BTNL3: variants seen among roughly 807,000 people sequenced by gnomAD.
BTNL3 encodes the protein butyrophilin like 3.
In BTNL3, 20 loss-of-function variants were observed where a neutral mutation model predicts 40.1. That is an observed-to-expected ratio of 0.50 (90% CI 0.35 to 0.72). The LOEUF (loss-of-function observed/expected upper bound fraction) is 0.72. Among genes scored for constraint, BTNL3 ranks in the 30% least tolerant of loss-of-function variants. The pLI, the probability that BTNL3 is intolerant of heterozygous loss-of-function variation, is 0.01. For synonymous variants in BTNL3, 179 were observed against 222.1 expected, an observed-to-expected ratio of 0.81 and a Z score of 1.73; for missense variants, 449 against 582.2, an observed-to-expected ratio of 0.77 and a Z score of 2.35.
chr5:181,004,991 A>G (rs111751678), intron 7 of BTNL3, among the ~76,000 whole-genome samples: 43 of 152,256 alleles, frequency 2.8e-4, no homozygotes, highest in African/African-American at 1.0e-3. Context: ...GGGCATTAGT[A>G]GCTGGCTTCT....
At chr5:181,000,346 T>C (rs1760089288) in intron 3 of BTNL3, among the ~76,000 whole-genome samples, 1 of 136,924 alleles carries the variant, frequency 7.3e-6, no homozygotes, top group African/African-American at 2.5e-5. Flanking sequence ...CACTTGCAAA[T>C]CTAGAAATAG....
At position 181,004,750 on chromosome 5, in the gene BTNL3, C is replaced by T. The variant is rs143906320; in HGVS notation, c.850C>T (p.Arg284Trp). 1.5e-4 allele frequency: 242 copies of T among 1,614,168 alleles called. No individual in the cohort carries two copies. In the African/African-American group the frequency reaches 2.7e-3, roughly 18 times the overall value. ...KHGQAELRDA[R>W]KHAVEVTLDP... ...CTTGCTTTCAGAATTGAGAGACGCCCGGAAACACGCAGGTACCAACGCCTG... is the reference window on the plus strand; with the variant it reads ...CTTGCTTTCAGAATTGAGAGACGCCTGGAAACACGCAGGTACCAACGCCTG... The change falls in exon 7 of 8, where the codon CGG becomes TGG. Residue 284 changes from arginine (R) to tryptophan (W), a missense_variant. This residue lies in a region of BTNL3 where 323 missense variants were observed against 464.9 expected (regional missense o/e 0.69). Transcript: ENST00000342868.
chr5:181,004,705 G>A (rs545554746), intron 6 of BTNL3, 31 bp from the exon 7 acceptor site: 10 of 1,613,880 alleles, frequency 6.2e-6, no homozygotes, highest in Admixed American at 3.3e-5. Flanking sequence ...ACGTGAGCAC[G>A]GAACTGCCTG....
In BTNL3 at chr5:181,005,949, GC is replaced by G; in HGVS notation, c.*81del. 1 of 1,442,556 alleles carries G rather than the reference GC, an allele frequency of 6.9e-7. No homozygotes were observed. The highest frequency in any genetic ancestry group is 9.2e-7 in the Non-Finnish European group (1 of 1,084,112). 89.4% of individuals were successfully genotyped at this position (1,442,556 alleles called of 1,614,324 possible). On this transcript the variant is annotated 3_prime_UTR_variant, in exon 8 of 8. Transcript: ENST00000342868. The stretch of plus-strand genomic sequence containing the variant: ...CAAGGGAGAGTGCTCCCGACAGGTG[GC>G]CCCAGCTTCCTCTCCGGAGCCTGCG...
chr5:181,005,673 G>A lies in BTNL3; in HGVS notation c.1202G>A (p.Ser401Asn). 6.2e-7 allele frequency: 1 copy of A among 1,614,062 alleles called. No individual in the cohort carries two copies. The highest frequency in any genetic ancestry group is 1.1e-5 in the South Asian group (1 of 91,066). Residue 401 changes from serine to asparagine, a missense_variant, in exon 8 of 8, where the codon AGC (serine) becomes AAC (asparagine). By Grantham distance (46) the Ser-to-Asn change is conservative. Coordinates refer to ENST00000342868, the MANE Select transcript of BTNL3 (RefSeq NM_197975.3). ...FNPHFISLPP[S>N]TPPTRVGVFL... ...CCCCATTTTATCAGCCTCCCCCCCA[G>A]CACCCCTCCTACACGAGTAGGGGTC... is the stretch of plus-strand genomic sequence containing the variant.
At chr5:180,996,376 T>C (rs1760034771) in intron 2 of BTNL3, among the ~76,000 whole-genome samples, 1 of 135,518 alleles carries the variant, frequency 7.4e-6, no homozygotes, top group South Asian at 2.2e-4. Context: ...TTCTCTATGG[T>C]CCCTCCTCCA....
Position 181,004,890 on chromosome 5 carries a change from C to G in BTNL3, c.862+128C>G, listed in dbSNP as rs867033878. On this transcript the variant is annotated intron_variant, in intron 7 of 7. Coordinates refer to ENST00000342868, the MANE Select transcript of BTNL3 (RefSeq NM_197975.3). The stretch of plus-strand genomic sequence containing the variant: ...AATCCACCCCAGGGTGCAGCTGCCT[C>G]TAAATACACTTCTTGGCCCAGGACT... 1.9e-6 allele frequency: 3 copies of G among 1,552,070 alleles called. No homozygotes were observed. In the South Asian group the frequency reaches 3.4e-5, roughly 18 times the overall value.
At position 181,002,345 on chromosome 5, in the gene BTNL3, GACAC is replaced by G. The variant is rs35453084; in HGVS notation, c.674-308_674-305del. 7.5e-4 allele frequency among the ~76,000 whole-genome samples: 61 copies of G among 81,632 alleles called. 7 individuals carry two copies. Among genetic ancestry groups the G allele is most frequent in the African/African-American group, 1.3e-3 (34 of 26,590 alleles). 53.6% of individuals were successfully genotyped at this position (81,632 alleles called of 152,430 possible). A position where few individuals can be genotyped will look rare whatever the true frequency, so the allele number is the denominator to read the frequency against. Reference sequence around the variant, plus strand: ...TTGAACTTCTGCCTCATTAGACATAGACACACACACACACACACACACGTGTGTG... The same window carrying G: ...TTGAACTTCTGCCTCATTAGACATAGACACACACACACACACACGTGTGTG... On this transcript the variant is annotated intron_variant, in intron 3 of 7. Coordinates refer to ENST00000342868, the MANE Select transcript of BTNL3 (RefSeq NM_197975.3).
rs1376505511 is a variant in BTNL3, at chr5:180,992,729, T to C, written c.50-84T>C. ...GAAGACTGATGGATCCCCCACCCCA[T>C]ACCCCACACTTCTCCACCCACCAGA... is the stretch of plus-strand genomic sequence containing the variant. On this transcript the variant is annotated intron_variant, in intron 1 of 7. Transcript: ENST00000342868. The C allele has an allele frequency of 4.3e-6, 6 of 1,391,692 alleles. 1 individual carries two copies. Among genetic ancestry groups the C allele is most frequent in the Non-Finnish European group, 9.8e-7 (1 of 1,016,992 alleles). The allele number at this position is 1,391,692 out of a possible 1,614,324, so 86.2% of individuals were successfully genotyped here. A position where few individuals can be genotyped will look rare whatever the true frequency, so the allele number is the denominator to read the frequency against.
In BTNL3 at chr5:181,003,332, A is replaced by G. The variant is rs1760156616; in HGVS notation, c.788-524A>G. Among the ~76,000 whole-genome samples the G allele has an allele frequency of 1.5e-5, 2 of 136,274 alleles. 1 individual carries two copies. The highest frequency in any genetic ancestry group is 5.0e-5 in the African/African-American group (2 of 39,604). 89.4% of individuals were successfully genotyped at this position (136,274 alleles called of 152,430 possible). ...GGCTTTAGTGAGCCATGTTCGCACC[A>G]CTGCACATCAGCCTGGGCAACAGAG... is the stretch of plus-strand genomic sequence containing the variant. On this transcript the variant is annotated intron_variant, in intron 4 of 7. Coordinates refer to ENST00000342868, the MANE Select transcript of BTNL3 (RefSeq NM_197975.3).
In BTNL3 at chr5:181,002,615, C is replaced by T. The variant is rs1760142584; in HGVS notation, c.674-57C>T. 6.4e-6 allele frequency: 9 copies of T among 1,400,614 alleles called. 2 individuals carry two copies. The highest frequency in any genetic ancestry group is 2.9e-5 in the African/African-American group (2 of 69,218). The allele number at this position is 1,400,614 out of a possible 1,614,324, so 86.8% of individuals were successfully genotyped here. A position where few individuals can be genotyped will look rare whatever the true frequency, so the allele number is the denominator to read the frequency against. On this transcript the variant is annotated intron_variant, in intron 3 of 7. Transcript: ENST00000342868. ...GGTACTGGGGGATTCCTTAAATGGG[C>T]GTAAAATTGTCTTACCTGCTTAGCT...
At chr5:181,004,874 CA>C in intron 7 of BTNL3, 112 bp downstream of exon 7, 1 of 1,592,278 alleles carries the variant, frequency 6.3e-7, no homozygotes, top group African/African-American at 1.3e-5. Flanking sequence ...GAATCCACCC[CA>C]GGGTGCAGCT....
rs1290760915 is a variant in BTNL3 at position 180,989,934 on chromosome 5, T to C, written c.49+857T>C. On this transcript the variant is annotated intron_variant, in intron 1 of 7. Transcript: ENST00000342868. ...CAGCACTTTGGGAGGCTGAGGTGGG[T>C]GGATCACCTGAGGTCAGGAGTTTGA... Among the ~76,000 whole-genome samples, 2 of 136,006 alleles carry C rather than the reference T, an allele frequency of 1.5e-5. 1 individual carries two copies. The highest frequency in any genetic ancestry group is 3.4e-5 in the Non-Finnish European group (2 of 59,376). The allele number at this position is 136,006 out of a possible 152,430, so 89.2% of individuals were successfully genotyped here.
chr5:180,990,033 G>A lies in BTNL3; in HGVS notation c.49+956G>A, dbSNP rs184035762. On this transcript the variant is annotated intron_variant, in intron 1 of 7. Coordinates refer to ENST00000342868, the MANE Select transcript of BTNL3 (RefSeq NM_197975.3). The stretch of plus-strand genomic sequence containing the variant: ...AAATTAGCCGGGCATGGTGGTGAGC[G>A]CCTGTAGTCCCAGCTACTCGGGAGG... Among the ~76,000 whole-genome samples, 356 of 135,972 alleles carry A rather than the reference G, an allele frequency of 2.6e-3. 1 individual carries two copies. The highest frequency in any genetic ancestry group is 8.8e-4 in the East Asian group (4 of 4,558). 89.2% of individuals were successfully genotyped at this position (135,972 alleles called of 152,430 possible). A position where few individuals can be genotyped will look rare whatever the true frequency, so the allele number is the denominator to read the frequency against.
At chr5:180,995,342 G>C (rs1760023419) in intron 2 of BTNL3, among the ~76,000 whole-genome samples, 1 of 136,266 alleles carries the variant, frequency 7.3e-6, no homozygotes, top group Admixed American at 7.7e-5. Context: ...GGTATGATGG[G>C]TAATTTTTAG....
At chr5:181,001,251 A>G (rs1244738740) in intron 3 of BTNL3, among the ~76,000 whole-genome samples, 1 of 137,070 alleles carries the variant, frequency 7.3e-6, no homozygotes, top group Non-Finnish European at 1.7e-5. Context: ...CAGTTCTCCT[A>G]GAATTGCTGT....
Position 181,004,696 on chromosome 5 carries a change from C to T in BTNL3, c.836-40C>T, listed in dbSNP as rs373881919. The T allele has an allele frequency of 4.2e-5, 67 of 1,614,082 alleles. No individual in the cohort carries two copies. In the African/African-American group the frequency reaches 7.2e-4, roughly 17 times the overall value. On this transcript the variant is annotated intron_variant, in intron 6 of 7. Transcript: ENST00000342868. ...CCTTCTCCCTGCGCCCTGTTTCCCA[C>T]GTGAGCACGGAACTGCCTGCTCTCT...
chr5:181,006,049 G>A lies in BTNL3; in HGVS notation c.*177G>A. Reference sequence around the variant, plus strand: ...TGCCCTGAGCCCTGCAGCAGCGGCAGTCACAGCTTCCAGATGAGGGGGGAT... The same window carrying A: ...TGCCCTGAGCCCTGCAGCAGCGGCAATCACAGCTTCCAGATGAGGGGGGAT... On this transcript the variant is annotated 3_prime_UTR_variant, in exon 8 of 8. Coordinates refer to ENST00000342868, the MANE Select transcript of BTNL3 (RefSeq NM_197975.3). 1 of 681,860 alleles carries A rather than the reference G, an allele frequency of 1.5e-6. No individual in the cohort carries two copies. The highest frequency in any genetic ancestry group is 2.3e-6 in the Non-Finnish European group (1 of 431,300). The allele number at this position is 681,860 out of a possible 1,614,324, so 42.2% of individuals were successfully genotyped here.
intron 5 of BTNL3, among the ~76,000 whole-genome samples, chr5:181,004,181 G>A (rs549259889): frequency 6.6e-6 from 1 of 151,618 alleles, no homozygotes; most frequent in Non-Finnish European, 1.5e-5. Context: ...GGGCCACAGT[G>A]AGGAACCTGA....
Sources: gnomAD v4.1 joint callset for allele counts (sites outside exome capture counted in the v4.1 genomes callset) on GRCh38, gnomAD v4.1.1 for gene constraint, gnomAD v4.1.1 regional missense constraint, MANE v1.5 for transcripts, NCBI Gene and HGNC (gene_info 2026-07-23, HGNC 2026-07-21) for gene names.